The following DNAH17 variants were observed in gnomAD, a reference collection of about 807,000 sequenced individuals.
DNAH17 encodes dynein axonemal heavy chain 17.
A neutral mutation model predicts 485.6 loss-of-function variants in DNAH17; 376 were observed. That is an observed-to-expected ratio of 0.77 (90% CI 0.71 to 0.84). DNAH17 has a LOEUF of 0.84. Ranked by LOEUF, DNAH17 falls within the 40% of genes least tolerant of loss-of-function variation. The pLI is 0.00. For synonymous variants in DNAH17, 3,031 were observed against 2,405.9 expected, an observed-to-expected ratio of 1.26 and a Z score of -7.60; for missense variants, 6,370 against 5,839.3, an observed-to-expected ratio of 1.09 and a Z score of -2.96.
Position 78,561,075 on chromosome 17 carries a change from A to G in DNAH17, c.1836-140T>C, listed in dbSNP as rs2092143796. The G allele has an allele frequency of 1.4e-5, 11 of 786,562 alleles. No homozygotes were observed. The South Asian group carries it at 1.6e-4, about 11-fold the overall frequency. The allele number at this position is 786,562 out of a possible 1,614,324, so 48.7% of individuals were successfully genotyped here. A position where few individuals can be genotyped will look rare whatever the true frequency, so the allele number is the denominator to read the frequency against. ...CTCGAGGCTCACAGACTGAATATGCAAACAAGCAGTGGCCAGACCAAATGT... is the reference window on the plus strand; with the variant it reads ...CTCGAGGCTCACAGACTGAATATGCGAACAAGCAGTGGCCAGACCAAATGT... On this transcript the variant is annotated intron_variant, in intron 12 of 80. Coordinates refer to ENST00000389840, the MANE Select transcript of DNAH17 (RefSeq NM_173628.4).
chr17:78,514,091 G>A (rs1489633647), intron 26 of DNAH17, among the ~76,000 whole-genome samples: 1 of 152,152 alleles, frequency 6.6e-6, no homozygotes, highest in African/African-American at 2.4e-5. Flanking sequence ...GAGGACCCTA[G>A]CGAAGCTGTT....
chr17:78,423,951 T>C lies in DNAH17; in HGVS notation c.13344A>G (p.Ala4448=). The change falls in exon 81 of 81, where the codon GCA becomes GCG. Residue 4448 remains alanine, a synonymous_variant. Coordinates refer to ENST00000389840, the MANE Select transcript of DNAH17 (RefSeq NM_173628.4). ...WTFNLKTKEK[A]AKWILAAVAL... ...CCACGGCTGCCAGGATCCACTTCGC[T>C]GCCTTCTCTTTGGTCTTCAAGTTAA... The C allele has an allele frequency of 3.1e-6, 5 of 1,614,052 alleles. No homozygotes were observed. In the South Asian group the frequency reaches 4.4e-5, roughly 14 times the overall value.
intron 14 of DNAH17, among the ~76,000 whole-genome samples, chr17:78,555,128 G>A (rs1316726383): frequency 6.6e-6 from 1 of 152,164 alleles, no homozygotes; most frequent in Non-Finnish European, 1.5e-5. Flanking sequence ...AGGTGCTTAG[G>A]AAAGAGAAAT....
chr17:78,478,903 T>C, intron 51 of DNAH17, 122 bp downstream of exon 51: 4 of 751,512 alleles, frequency 5.3e-6, no homozygotes, highest in Non-Finnish European at 8.8e-6. Context: ...ATCATCATTA[T>C]CATTACCACC....
At position 78,477,956 on chromosome 17, in the gene DNAH17, TCCACCATCA is replaced by T. The variant is rs965226553; in HGVS notation, c.7992+1060_7992+1068del. 2.4e-4 allele frequency among the ~76,000 whole-genome samples: 26 copies of T among 107,474 alleles called. No homozygotes were observed. The South Asian group carries it at 7.6e-3, about 31-fold the overall frequency. 70.5% of individuals were successfully genotyped at this position (107,474 alleles called of 152,430 possible). A position where few individuals can be genotyped will look rare whatever the true frequency, so the allele number is the denominator to read the frequency against. On this transcript the variant is annotated intron_variant, in intron 51 of 80. Transcript: ENST00000389840. The stretch of plus-strand genomic sequence containing the variant: ...CATCACCACCATCACCATTATCATC[TCCACCATCA>T]CCACCACCATCATCATCACCACCAT...
Position 78,561,854 on chromosome 17 carries a change from G to T in DNAH17, c.1696C>A (p.Gln566Lys). ...LDNAKILYDA[Q>K]MAASEEGNIP... Reference sequence around the variant, plus strand: ...TTCCCCTCCTCGGAGGCCGCCATCTGGGCATCGTACAAGATCTTAGCATTG... The same window carrying T: ...TTCCCCTCCTCGGAGGCCGCCATCTTGGCATCGTACAAGATCTTAGCATTG... The change falls in exon 12 of 81, where the codon CAG becomes AAG. Residue 566 changes from glutamine (Q) to lysine (K), a missense_variant. Coordinates refer to ENST00000389840, the MANE Select transcript of DNAH17 (RefSeq NM_173628.4). 6.2e-7 allele frequency: 1 copy of T among 1,613,924 alleles called. No homozygotes were observed. Among genetic ancestry groups the T allele is most frequent in the South Asian group, 1.1e-5 (1 of 91,068 alleles).
chr17:78,537,411 A>T lies in DNAH17; in HGVS notation c.2747T>A (p.Leu916Gln), dbSNP rs1012320336. 6.2e-7 allele frequency: 1 copy of T among 1,613,264 alleles called. No individual in the cohort carries two copies. Among genetic ancestry groups the T allele is most frequent in the Non-Finnish European group, 8.5e-7 (1 of 1,179,834 alleles). ...DEDGLTFNPT[L>Q]EVGSDRGFLA... ...GAAGCCGCGATCTGAGCCCACCTCC[A>T]GGGTCGGGTTGAAGGTCAGCCCATC... Residue 916 changes from leucine to glutamine, a missense_variant, in exon 19 of 81, where the codon CTG becomes CAG. By Grantham distance (113) the Leu-to-Gln change is moderately radical. Coordinates refer to ENST00000389840, the MANE Select transcript of DNAH17 (RefSeq NM_173628.4).
At chr17:78,465,218 T>C (rs2088362448) in intron 56 of DNAH17, among the ~76,000 whole-genome samples, 1 of 152,154 alleles carries the variant, frequency 6.6e-6, no homozygotes, top group Non-Finnish European at 1.5e-5. Flanking sequence ...AGACGGAGTC[T>C]CATTCACTCA....
chr17:78,474,901 G>A (rs57205765), intron 54 of DNAH17, among the ~76,000 whole-genome samples: 26,787 of 125,290 alleles, frequency 0.21, 3,152 homozygotes, highest in African/African-American at 0.4. Flanking sequence ...CATGGGCCGG[G>A]AGGTTTCACA....
At chr17:78,555,847 G>A (rs979865283) in intron 14 of DNAH17, among the ~76,000 whole-genome samples, 1 of 152,208 alleles carries the variant, frequency 6.6e-6, no homozygotes, top group South Asian at 2.1e-4. Flanking sequence ...GGCGGAGGAA[G>A]GAGGAATTCA....
chr17:78,433,314 C>G (rs1214344031), intron 75 of DNAH17, among the ~76,000 whole-genome samples: 2 of 152,172 alleles, frequency 1.3e-5, no homozygotes, highest in Non-Finnish European at 2.9e-5. Context: ...CAGGGCCTAG[C>G]AGGGTACGTG....
intron 27 of DNAH17, among the ~76,000 whole-genome samples, chr17:78,508,146 C>T (rs1172312908): frequency 1.3e-5 from 2 of 152,170 alleles, no homozygotes; most frequent in Non-Finnish European, 2.9e-5. Context: ...CGTGCCACCC[C>T]AAAATATGCC....
Position 78,466,808 on chromosome 17 carries a change from C to T in DNAH17, c.8787G>A (p.Leu2929=), listed in dbSNP as rs756665525. The T allele has an allele frequency of 1.3e-6, 2 of 1,589,376 alleles. No homozygotes were observed. The highest frequency in any genetic ancestry group is 2.3e-5 in the South Asian group (2 of 87,274). ...EKVRRQLKVI[L]CFSPVGSVLR... ...GCACGGAGCCCACAGGGGAGAAACACAGGATCACCTGGGTGTGGGAGACAC... is the reference window on the plus strand; with the variant it reads ...GCACGGAGCCCACAGGGGAGAAACATAGGATCACCTGGGTGTGGGAGACAC... The change falls in exon 56 of 81, where the codon CTG becomes CTA. Residue 2929 remains leucine, a synonymous_variant. Coordinates refer to ENST00000389840, the MANE Select transcript of DNAH17 (RefSeq NM_173628.4).
intron 12 of DNAH17, 98 bp downstream of exon 12, chr17:78,561,617 G>C (rs544342168): frequency 1.4e-6 from 2 of 1,396,970 alleles, no homozygotes; most frequent in Non-Finnish European, 1.9e-6. Flanking sequence ...CAGTCTGGTC[G>C]ACAGGAGGGG....
In DNAH17 at chr17:78,458,525, G is replaced by T. The variant is rs372403436; in HGVS notation, c.9977+40C>A. On this transcript the variant is annotated intron_variant, in intron 62 of 80. Transcript: ENST00000389840. ...TGTGTGGGCTTGTCCCTTTCAGGGG[G>T]TCTGAGAGCAGGAGGGTGGTCTCGG... is the stretch of plus-strand genomic sequence containing the variant. The T allele has an allele frequency of 8.4e-6, 13 of 1,546,310 alleles. No individual in the cohort carries two copies. The Admixed American group carries it at 1.3e-4, about 16-fold the overall frequency.
Position 78,434,102 on chromosome 17 carries a change from G to C in DNAH17, c.12152C>G (p.Ser4051Trp). ...GAGGTCCCCGTTGTTGAAGGGGTAC[G>C]ACCGGTTCCAGCCCTGGGCGCCGAA... is the stretch of plus-strand genomic sequence containing the variant. ...RKFGAQGWNR[S>W]YPFNNGDLTI... is the part of the protein sequence containing the mutation. Residue 4051 changes from serine (S) to tryptophan (W), a missense_variant, in exon 75 of 81, where the codon TCG (serine) becomes TGG (tryptophan). Coordinates refer to ENST00000389840, the MANE Select transcript of DNAH17 (RefSeq NM_173628.4). The C allele has an allele frequency of 1.2e-6, 2 of 1,613,636 alleles. No homozygotes were observed. Among genetic ancestry groups the C allele is most frequent in the Non-Finnish European group, 1.7e-6 (2 of 1,179,832 alleles).
At chr17:78,570,534 C>T (rs2092336640) in intron 6 of DNAH17, among the ~76,000 whole-genome samples, 162 bp from the exon 7 acceptor site, 1 of 152,030 alleles carries the variant, frequency 6.6e-6, no homozygotes, top group African/African-American at 2.4e-5. Flanking sequence ...CTGATGGCAG[C>T]CAAGAAACCC....
rs755738817 is a variant in DNAH17, at chr17:78,526,919, G to C, written c.3585C>G (p.Asn1195Lys). The C allele has an allele frequency of 6.3e-7, 1 of 1,585,210 alleles. No homozygotes were observed. The highest frequency in any genetic ancestry group is 2.3e-5 in the East Asian group (1 of 43,550). The change falls in exon 23 of 81, where the codon AAC (asparagine) becomes AAG (lysine). Residue 1195 changes from asparagine to lysine, a missense_variant. Asn to Lys is a moderately conservative substitution (Grantham distance 94, BLOSUM62 0). Transcript: ENST00000389840. ...ATTTCCGCCGCAGGATGCTGACCTC[G>C]TTGGCCTGGAGTGGTGCCACGGTCA... ...VKLTVAPLQA[N>K]EVSILRRKCQ...
chr17:78,499,251 G>A (rs1568159020), intron 36 of DNAH17, 139 bp from the exon 37 acceptor site: 7 of 556,416 alleles, frequency 1.3e-5, no homozygotes, highest in South Asian at 5.4e-5. Flanking sequence ...GGAGCCTTCC[G>A]CAGGCCAGCA....
Sources: allele counts gnomAD v4.1 joint callset (sites outside exome capture counted in the v4.1 genomes callset), GRCh38; gene constraint gnomAD v4.1.1; transcripts MANE v1.5; gene names NCBI Gene and HGNC (gene_info 2026-07-23, HGNC 2026-07-21).